FAM227B: variants seen among roughly 807,000 people sequenced by gnomAD.
The protein encoded by FAM227B is protein FAM227B.
FAM227B carries 88 observed loss-of-function variants against 73.8 expected under a neutral mutation model. That is an observed-to-expected ratio of 1.19 (90% confidence interval 1.00 to 1.42). The LOEUF (loss-of-function observed/expected upper bound fraction) is 1.42. Among genes scored for constraint, FAM227B ranks in the 40% most tolerant of loss-of-function variants. The pLI is 0.00. For synonymous variants in FAM227B, 210 were observed against 190.5 expected (o/e 1.10, Z -0.84); for missense variants, 632 against 590.9 (o/e 1.07, Z -0.72).
intron 11 of FAM227B, among the ~76,000 whole-genome samples, chr15:49,450,342 T>A (rs745396702): frequency 6.6e-6 from 1 of 152,098 alleles, no homozygotes; most frequent in Admixed American, 6.6e-5. Flanking sequence ...TGTTCCTGAC[T>A]GTCTAGAGTT....
At chr15:49,590,085 G>T in intron 3 of FAM227B, 78 bp from the exon 4 acceptor site, 2 of 751,062 alleles carry the variant, frequency 2.7e-6, no homozygotes, top group South Asian at 1.6e-5. Flanking sequence ...AAACCAATGA[G>T]CTATAATCGA....
chr15:49,510,016 C>T (rs1398124493), intron 10 of FAM227B, among the ~76,000 whole-genome samples: 1 of 152,024 alleles, frequency 6.6e-6, no homozygotes, highest in African/African-American at 2.4e-5. Flanking sequence ...TCCCCAAGAC[C>T]ATATCTTGCT....
intron 11 of FAM227B, among the ~76,000 whole-genome samples, chr15:49,472,449 A>C (rs904952337): frequency 4.6e-5 from 7 of 152,208 alleles, no homozygotes; most frequent in African/African-American, 1.7e-4. Flanking sequence ...GCCATAGGAC[A>C]CTTCAGTTAA....
chr15:49,462,508 A>C (rs2053893621), intron 11 of FAM227B, among the ~76,000 whole-genome samples: 1 of 152,186 alleles, frequency 6.6e-6, no homozygotes, highest in South Asian at 2.1e-4. Flanking sequence ...ATAATTTGTT[A>C]AAAAGTCTCT....
chr15:49,424,418 G>A (rs376909937), intron 11 of FAM227B: 3 of 1,613,582 alleles, frequency 1.9e-6, no homozygotes, highest in Non-Finnish European at 2.5e-6. Context: ...AGAGCAAATG[G>A]CTACAAATGT....
intron 11 of FAM227B, among the ~76,000 whole-genome samples, chr15:49,444,454 A>C (rs764024335): frequency 4.0e-5 from 6 of 151,806 alleles, no homozygotes; most frequent in Non-Finnish European, 7.4e-5. Flanking sequence ...AAACTTTTTT[A>C]GGATAAAAAG....
chr15:49,489,898 A>G (rs1445472259), intron 11 of FAM227B, among the ~76,000 whole-genome samples: 1 of 29,704 alleles, frequency 3.4e-5, no homozygotes, highest in Non-Finnish European at 8.6e-5. Context: ...AGAGAGAGAG[A>G]GAGAGAGAGA....
chr15:49,599,090 GA>G (rs2077044156), intron 3 of FAM227B, among the ~76,000 whole-genome samples: 1 of 151,964 alleles, frequency 6.6e-6, no homozygotes, highest in Admixed American at 6.5e-5. Context: ...TGTTTATTGG[GA>G]GGTTTTCAAT....
intron 11 of FAM227B, among the ~76,000 whole-genome samples, chr15:49,383,858 A>G (rs569059283): frequency 1.3e-4 from 20 of 152,214 alleles, no homozygotes; most frequent in Admixed American, 1.3e-3. Flanking sequence ...GAGACTCATA[A>G]TCTCACGTGC....
rs149647284 is a variant in FAM227B at position 49,540,510 on chromosome 15, T to A, written c.874+1170A>T. Among the ~76,000 whole-genome samples the A allele has an allele frequency of 1.1e-3, 166 of 152,318 alleles. 1 individual carries two copies. In the East Asian group the frequency reaches 0.028, roughly 25 times the overall value. On this transcript the variant is annotated intron_variant, in intron 10 of 15. Coordinates refer to ENST00000299338, the MANE Select transcript of FAM227B (RefSeq NM_152647.3). ...GCTGTCTAATTATTTTGTGTGTGTG[T>A]GAGAGAGATAAAAGCTGGTATAACC...
At chr15:49,586,480 C>A (rs993314982) in intron 5 of FAM227B, among the ~76,000 whole-genome samples, 5 of 152,042 alleles carry the variant, frequency 3.3e-5, no homozygotes, top group African/African-American at 1.2e-4. Context: ...TAGGTATGGG[C>A]AAAGATTTCA....
At chr15:49,427,204 T>C (rs181441906) in intron 11 of FAM227B, among the ~76,000 whole-genome samples, 1 of 152,108 alleles carries the variant, frequency 6.6e-6, no homozygotes, top group East Asian at 1.9e-4. Context: ...TATTAGGAAA[T>C]CTAGGTTCAA....
chr15:49,578,679 C>A (rs1421144793), intron 5 of FAM227B, among the ~76,000 whole-genome samples: 1 of 152,086 alleles, frequency 6.6e-6, no homozygotes, highest in Admixed American at 6.6e-5. Context: ...TCATATTATT[C>A]TCACTTTTTA....
intron 13 of FAM227B, chr15:49,353,853 C>T (rs948981740): frequency 3.3e-5 from 5 of 151,954 alleles, no homozygotes. Context: ...AGGTTCTTAC[C>T]ATATGTTAAT....
At chr15:49,548,729 T>G (rs1013821139) in intron 9 of FAM227B, among the ~76,000 whole-genome samples, 1 of 152,198 alleles carries the variant, frequency 6.6e-6, no homozygotes, top group Non-Finnish European at 1.5e-5. Flanking sequence ...TTTGAATTTG[T>G]TCCTGGTTCA....
At chr15:49,547,400 A>C (rs4541018) in intron 9 of FAM227B, among the ~76,000 whole-genome samples, 1 of 150,308 alleles carries the variant, frequency 6.7e-6, no homozygotes, top group Non-Finnish European at 1.5e-5. Context: ...GCTAACATCA[A>C]AATGACAGGA....
At chr15:49,367,763 C>A in intron 12 of FAM227B, 155 bp from the exon 13 acceptor site, 1 of 659,398 alleles carries the variant, frequency 1.5e-6, no homozygotes, top group Non-Finnish European at 2.3e-6. Context: ...GAGGAATTTA[C>A]CAAAGTATGA....
At chr15:49,591,483 CCTTTTTTT>C (rs2076571142) in intron 3 of FAM227B, among the ~76,000 whole-genome samples, 1 of 118,438 alleles carries the variant, frequency 8.4e-6, no homozygotes, top group African/African-American at 3.1e-5. Flanking sequence ...GCCCTTCCTT[CCTTTTTTT>C]TTTTTTTTTT....
chr15:49,416,330 T>C (rs940050875), intron 11 of FAM227B, among the ~76,000 whole-genome samples: 2 of 151,910 alleles, frequency 1.3e-5, no homozygotes, highest in African/African-American at 4.8e-5. Context: ...ATAAGTAAGA[T>C]TGGTTATATG....
Sources: allele counts gnomAD v4.1 joint callset (sites outside exome capture counted in the v4.1 genomes callset), GRCh38; gene constraint gnomAD v4.1.1; transcripts MANE v1.5; gene names NCBI Gene and HGNC (gene_info 2026-07-23, HGNC 2026-07-21).